Variants in MYORG observed in about 807,000 individuals in gnomAD.
MYORG encodes myogenesis regulating glycosidase, also known as alpha-galactosidase MYORG.
Under a neutral mutation model 49.8 loss-of-function variants are expected in MYORG, and 45 were observed. That is an observed-to-expected ratio of 0.90 (90% CI 0.71 to 1.16). The LOEUF (loss-of-function observed/expected upper bound fraction) is 1.16, where lower values mean the gene tolerates loss of function less well. Ranked by LOEUF, MYORG falls within the 50% of genes most tolerant of loss-of-function variation. The pLI, the probability that MYORG is intolerant of heterozygous loss-of-function variation, is 0.00. For synonymous variants in MYORG, 552 were observed against 462.9 expected (o/e 1.19, Z -2.47); for missense variants, 1,110 against 1,026.5 (o/e 1.08, Z -1.11).
At position 34,372,356 on chromosome 9, in the gene MYORG, C is replaced by A; in HGVS notation, c.588G>T (p.Trp196Cys). The A allele has an allele frequency of 6.3e-7, 1 of 1,596,780 alleles. No individual in the cohort carries two copies. Among genetic ancestry groups the A allele is most frequent in the Non-Finnish European group, 8.5e-7 (1 of 1,173,160 alleles). The part of the protein sequence containing the change: ...YGGAEMRTQH[W>C]PIRLDGQQEP... ...CCTGCTGGCCATCCAGGCGGATGGG[C>A]CAGTGTTGCGTCCTCATCTCGGCGC... The change falls in exon 2 of 2, where the codon TGG becomes TGT. Residue 196 changes from tryptophan (W) to cysteine (C), a missense_variant. Trp to Cys is a radical substitution (Grantham distance 215). Coordinates refer to ENST00000297625, the MANE Select transcript of MYORG (RefSeq NM_020702.5).
rs1588005712 is a variant in MYORG at position 34,372,867 on chromosome 9, T to G, written c.77A>C (p.Asn26Thr). ...RRPGCYAYRQ[N>T]PEAIAAAAMY... ...AGCTGCGGCTGCGATGGCCTCGGGG[T>G]TCTGACGGTATGCGTAGCAGCCAGG... Residue 26 changes from asparagine (N) to threonine (T), a missense_variant, in exon 2 of 2, where the codon AAC becomes ACC. Physicochemically the swap from Asn to Thr is moderately conservative, Grantham distance 65 (BLOSUM62 0). Transcript: ENST00000297625. 6.2e-7 allele frequency: 1 copy of G among 1,613,830 alleles called. No individual in the cohort carries two copies. Among genetic ancestry groups the G allele is most frequent in the Non-Finnish European group, 8.5e-7 (1 of 1,179,842 alleles).
rs545951626 is a variant in MYORG, at chr9:34,369,866, A to G, written c.*933T>C. The stretch of plus-strand genomic sequence containing the variant: ...GAAAGGGCTATTTATTTCCTACGAG[A>G]GTCCTGGGGAAACCGCCTGGGAGGA... On this transcript the variant is annotated 3_prime_UTR_variant, in exon 2 of 2. Transcript: ENST00000297625. 4.5e-4 allele frequency: 68 copies of G among 152,290 alleles called. 1 individual carries two copies. The highest frequency in any genetic ancestry group is 1.5e-3 in the African/African-American group (63 of 41,532). 9.4% of individuals were successfully genotyped at this position (152,290 alleles called of 1,614,324 possible).
rs773884528 is a variant in MYORG at position 34,372,817 on chromosome 9, A to C, written c.127T>G (p.Phe43Val). The C allele has an allele frequency of 6.2e-7, 1 of 1,614,008 alleles. No individual in the cohort carries two copies. Among genetic ancestry groups the C allele is most frequent in the Non-Finnish European group, 8.5e-7 (1 of 1,179,874 alleles). The change falls in exon 2 of 2, where the codon TTC (phenylalanine) becomes GTC (valine). Residue 43 changes from phenylalanine to valine, a missense_variant. Physicochemically the swap from Phe to Val is conservative, Grantham distance 50. Coordinates refer to ENST00000297625, the MANE Select transcript of MYORG (RefSeq NM_020702.5). ...AAMYTFLPDN[F>V]SPAKPKPSKD... ...GAAGGCTTGGGCTTGGCAGGTGAGAAGTTGTCGGGCAGGAAGGTGTACATA... is the reference window on the plus strand; with the variant it reads ...GAAGGCTTGGGCTTGGCAGGTGAGACGTTGTCGGGCAGGAAGGTGTACATA...
chr9:34,375,471 A>G (rs1820704077), intron 1 of MYORG, among the ~76,000 whole-genome samples: 1 of 152,236 alleles, frequency 6.6e-6, no homozygotes, highest in Non-Finnish European at 1.5e-5. Context: ...CCTCCTGGAA[A>G]ATGCAGCCAG....
In MYORG at chr9:34,371,962, C is replaced by T. The variant is rs780295808; in HGVS notation, c.982G>A (p.Val328Met). 8 of 1,614,036 alleles carry T rather than the reference C, an allele frequency of 5.0e-6. No homozygotes were observed. The Admixed American group carries it at 1.2e-4, about 24-fold the overall frequency. ...AAACGCAGCACCTTGTCCTGGTCCA[C>T]GGCGCGCCCGTACAGCGCCCATGTG... ...WSTWALYGRA[V>M]DQDKVLRFAQ... is the part of the protein sequence containing the mutation. Residue 328 changes from valine to methionine, a missense_variant, in exon 2 of 2, where the codon GTG (valine) becomes ATG (methionine). By Grantham distance (21) the Val-to-Met change is conservative. Coordinates refer to ENST00000297625, the MANE Select transcript of MYORG (RefSeq NM_020702.5).
chr9:34,371,653 C>A lies in MYORG; in HGVS notation c.1291G>T (p.Ala431Ser), dbSNP rs765394132. Reference sequence around the variant, plus strand: ...TTTGGGTGCGTGAAGTCTAGCACCGCGCCGATGCCGTTCCACCAGCGCACC... The same window carrying A: ...TTTGGGTGCGTGAAGTCTAGCACCGAGCCGATGCCGTTCCACCAGCGCACC... Reference protein sequence around the residue: ...ALVRWWNGIGAVLDFTHPKAR... With the variant: ...ALVRWWNGIGSVLDFTHPKAR... Residue 431 changes from alanine (A) to serine (S), a missense_variant, in exon 2 of 2, where the codon GCG becomes TCG. Coordinates refer to ENST00000297625, the MANE Select transcript of MYORG (RefSeq NM_020702.5). 6.2e-7 allele frequency: 1 copy of A among 1,606,170 alleles called. No homozygotes were observed. The highest frequency in any genetic ancestry group is 8.5e-7 in the Non-Finnish European group (1 of 1,176,816).
Position 34,372,384 on chromosome 9 carries a change from C to G in MYORG, c.560G>C (p.Gly187Ala), listed in dbSNP as rs780531156. 12 of 1,589,120 alleles carry G rather than the reference C, an allele frequency of 7.6e-6. No individual in the cohort carries two copies. The African/African-American group carries it at 1.2e-4, about 16-fold the overall frequency. The change falls in exon 2 of 2, where the codon GGT becomes GCT. Residue 187 changes from glycine (G) to alanine (A), a missense_variant. Coordinates refer to ENST00000297625, the MANE Select transcript of MYORG (RefSeq NM_020702.5). ...FLGDAAAHWY[G>A]GAEMRTQHWP... is the part of the protein sequence containing the mutation. ...GTGTTGCGTCCTCATCTCGGCGCCA[C>G]CATACCAGTGGGCCGCCGCGTCGCC...
At position 34,371,418 on chromosome 9, in the gene MYORG, G is replaced by A. The variant is rs372794220; in HGVS notation, c.1526C>T (p.Ser509Leu). The A allele has an allele frequency of 2.2e-5, 35 of 1,613,138 alleles. No homozygotes were observed. Among genetic ancestry groups the A allele is most frequent in the Non-Finnish European group, 2.9e-5 (34 of 1,179,818 alleles). ...GCGGAAGAAGCAGGAGATGTTCTGT[G>A]ACTGGTAGCCTACGCGCACCTCCGC... is the stretch of plus-strand genomic sequence containing the variant. ...SLAEVRVGYQ[S>L]QNISCFFRLV... Residue 509 changes from serine to leucine, a missense_variant, in exon 2 of 2, where the codon TCA becomes TTA. By Grantham distance (145) the Ser-to-Leu change is moderately radical (BLOSUM62 -2). Transcript: ENST00000297625.
At position 34,376,242 on chromosome 9, in the gene MYORG, G is replaced by A. The variant is rs896884607; in HGVS notation, c.-64+551C>T. ...CAATTTTAATGGCATCTGGTACCGGGGCTTTGGGGGAGGAAGTCTGTGGTT... is the reference window on the plus strand; with the variant it reads ...CAATTTTAATGGCATCTGGTACCGGAGCTTTGGGGGAGGAAGTCTGTGGTT... On this transcript the variant is annotated intron_variant, in intron 1 of 1. Transcript: ENST00000297625. This position sits in a 1 kb window ranked among gnomAD's most constrained non-coding sequence, Gnocchi z 4.4. Among the ~76,000 whole-genome samples, 2 of 152,190 alleles carry A rather than the reference G, an allele frequency of 1.3e-5. No homozygotes were observed. The highest frequency in any genetic ancestry group is 4.8e-5 in the African/African-American group (2 of 41,440).
rs1254203182 is a variant in MYORG, at chr9:34,372,652, C to G, written c.292G>C (p.Gly98Arg). 1 of 1,607,760 alleles carries G rather than the reference C, an allele frequency of 6.2e-7. No homozygotes were observed. Among genetic ancestry groups the G allele is most frequent in the African/African-American group, 1.3e-5 (1 of 74,882 alleles). The part of the protein sequence containing the change: ...LRAELLDLKA[G>R]GFSIRNQKGE... The stretch of plus-strand genomic sequence containing the variant: ...TTCTGATTGCGGATGGAGAAGCCGC[C>G]AGCTTTCAGGTCCAGCAGCTCCGCG... Residue 98 changes from glycine to arginine, a missense_variant, in exon 2 of 2, where the codon GGC becomes CGC. Gly to Arg is a moderately radical substitution (Grantham distance 125, BLOSUM62 -2). Coordinates refer to ENST00000297625, the MANE Select transcript of MYORG (RefSeq NM_020702.5).
chr9:34,372,957 A>T lies in MYORG; in HGVS notation c.-14T>A. 6.2e-7 allele frequency: 1 copy of T among 1,610,078 alleles called. No individual in the cohort carries two copies. The highest frequency in any genetic ancestry group is 8.5e-7 in the Non-Finnish European group (1 of 1,177,102). On this transcript the variant is annotated 5_prime_UTR_variant, in exon 2 of 2. Coordinates refer to ENST00000297625, the MANE Select transcript of MYORG (RefSeq NM_020702.5). ...GTTCTGGAGCATTAGTGGGCTGCTA[A>T]GAAAGGAGCGGGCCGTGGGGCCATC...
At chr9:34,375,167 C>T (rs999817535) in intron 1 of MYORG, among the ~76,000 whole-genome samples, 1 of 152,180 alleles carries the variant, frequency 6.6e-6, no homozygotes, top group Non-Finnish European at 1.5e-5. Flanking sequence ...GTGTCTGTCT[C>T]TAAGTCCCCA....
intron 1 of MYORG, 38 bp from the exon 2 acceptor site, chr9:34,373,044 A>C: frequency 2.2e-4 from 294 of 1,339,270 alleles, no homozygotes; most frequent in Non-Finnish European, 2.6e-4. Context: ...GAGCTATCTC[A>C]TCCCATGATA....
In MYORG at chr9:34,371,750, G is replaced by A. The variant is rs759826621; in HGVS notation, c.1194C>T (p.Asn398=). The A allele has an allele frequency of 1.2e-6, 2 of 1,613,602 alleles. No homozygotes were observed. Among genetic ancestry groups the A allele is most frequent in the East Asian group, 2.2e-5 (1 of 44,876 alleles). Residue 398 remains asparagine (N), a synonymous_variant, in exon 2 of 2, where the codon AAC becomes AAT. Transcript: ENST00000297625. ...TLWVHPFVNY[N]SSRFGEGVER... The stretch of plus-strand genomic sequence containing the variant: ...CCACGCCCTCGCCGAAGCGCGACGA[G>A]TTGTAGTTGACAAAAGGGTGCACCC...
chr9:34,371,187 G>T lies in MYORG; in HGVS notation c.1757C>A (p.Ala586Asp), dbSNP rs764986395. ...RWLEVAAFMP[A>D]MQFSIPPWRY... ...CCAGGGCGGGATAGAGAACTGCATG[G>T]CCGGCATAAAGGCGGCCACTTCCAG... Residue 586 changes from alanine (A) to aspartate (D), a missense_variant, in exon 2 of 2, where the codon GCC (alanine) becomes GAC (aspartate). Ala to Asp is a moderately radical substitution (Grantham distance 126). Coordinates refer to ENST00000297625, the MANE Select transcript of MYORG (RefSeq NM_020702.5). The T allele has an allele frequency of 5.0e-6, 8 of 1,610,616 alleles. No homozygotes were observed. Among genetic ancestry groups the T allele is most frequent in the Middle Eastern group, 3.3e-4 (2 of 6,056 alleles).
chr9:34,371,822 G>T lies in MYORG; in HGVS notation c.1122C>A (p.Ser374Arg), dbSNP rs774524095. 1.2e-6 allele frequency: 2 copies of T among 1,614,052 alleles called. No individual in the cohort carries two copies. Among genetic ancestry groups the T allele is most frequent in the Admixed American group, 1.7e-5 (1 of 60,038 alleles). Residue 374 changes from serine (S) to arginine (R), a missense_variant, in exon 2 of 2, where the codon AGC becomes AGA. Transcript: ENST00000297625. ...DFDEVKFPNA[S>R]DMFRRLRDAG... ...CGTCGCGCAGGCGGCGGAACATGTC[G>T]CTGGCGTTGGGGAATTTGACCTCAT...
In MYORG at chr9:34,370,757, A is replaced by C. The variant is rs373841688; in HGVS notation, c.*42T>G. 2.8e-4 allele frequency: 421 copies of C among 1,522,898 alleles called. No homozygotes were observed. The highest frequency in any genetic ancestry group is 3.6e-4 in the Non-Finnish European group (409 of 1,130,156). The allele number at this position is 1,522,898 out of a possible 1,614,324, so 94.3% of individuals were successfully genotyped here. A position where few individuals can be genotyped will look rare whatever the true frequency, so the allele number is the denominator to read the frequency against. On this transcript the variant is annotated 3_prime_UTR_variant, in exon 2 of 2. Coordinates refer to ENST00000297625, the MANE Select transcript of MYORG (RefSeq NM_020702.5). ...GTGTGACGGAGGGTTCAAGGTCTGC[A>C]TGAAGACTGGGGGCTTTGCGGTTAC...
chr9:34,370,789 C>G lies in MYORG; in HGVS notation c.*10G>C. 1 of 1,561,410 alleles carries G rather than the reference C, an allele frequency of 6.4e-7. No individual in the cohort carries two copies. Among genetic ancestry groups the G allele is most frequent in the Non-Finnish European group, 8.7e-7 (1 of 1,148,774 alleles). On this transcript the variant is annotated 3_prime_UTR_variant, in exon 2 of 2. Transcript: ENST00000297625. ...CTGGGGGCTTTGCGGTTACCGGGCC[C>G]TGGGCTGGGTCAGGACGCCCAGGTA...
In MYORG at chr9:34,372,074, G is replaced by C; in HGVS notation, c.870C>G (p.Thr290=). Reference sequence around the variant, plus strand: ...GACGCACCATGTACTTGTGGATGGAGGTGACGTCTGAGCCCACGCACACTC... The same window carrying C: ...GACGCACCATGTACTTGTGGATGGACGTGACGTCTGAGCCCACGCACACTC... ...SYRVCVGSDV[T]SIHKYMVRRY... Residue 290 remains threonine, a synonymous_variant, in exon 2 of 2, where the codon ACC becomes ACG. Transcript: ENST00000297625. 6.2e-7 allele frequency: 1 copy of C among 1,613,700 alleles called. No individual in the cohort carries two copies. The highest frequency in any genetic ancestry group is 8.5e-7 in the Non-Finnish European group (1 of 1,179,870).
Sources: gnomAD v4.1 joint callset for allele counts (sites outside exome capture counted in the v4.1 genomes callset) on GRCh38, gnomAD v4.1.1 for gene constraint, Gnocchi (gnomAD v3.1) non-coding constraint, MANE v1.5 for transcripts, NCBI Gene and HGNC (gene_info 2026-07-23, HGNC 2026-07-21) for gene names.